Variants in PDSS1 observed in about 807,000 individuals in gnomAD.
The protein encoded by PDSS1 is all trans-polyprenyl-diphosphate synthase PDSS1.
In PDSS1, 43 loss-of-function variants were observed where a neutral mutation model predicts 57.5. That is an observed-to-expected ratio of 0.75 (90% CI 0.59 to 0.96). The LOEUF (loss-of-function observed/expected upper bound fraction) is 0.96, where lower values mean the gene tolerates loss of function less well. PDSS1 is among the 50% of genes least tolerant of loss of function. PDSS1 has a pLI of 0.00. For synonymous variants in PDSS1, 175 were observed against 191.3 expected, an observed-to-expected ratio of 0.91 and a Z score of 0.70; for missense variants, 438 against 527.8, an observed-to-expected ratio of 0.83 and a Z score of 1.67.
At chr10:26,706,951 A>T (rs1835245311) in intron 4 of PDSS1, among the ~76,000 whole-genome samples, 1 of 152,184 alleles carries the variant, frequency 6.6e-6, no homozygotes, top group African/African-American at 2.4e-5. Flanking sequence ...AGTGTAGAGT[A>T]GGAAGGGAAG....
chr10:26,738,610 T>C (rs567263244), intron 10 of PDSS1, among the ~76,000 whole-genome samples: 72 of 152,324 alleles, frequency 4.7e-4, no homozygotes, highest in Non-Finnish European at 6.5e-4. Flanking sequence ...CCTTTCCCTT[T>C]GGTAGGTGAG....
At chr10:26,737,722 CAAAAAAAAAAAAAAAAAAA>C (rs200552153) in intron 10 of PDSS1, among the ~76,000 whole-genome samples, 1 of 73,558 alleles carries the variant, frequency 1.4e-5, no homozygotes, top group African/African-American at 5.1e-5. Flanking sequence ...GACTCCGTCT[CAAAAAAAAAAAAAAAAAAA>C]AAAAAAAAAA....
intron 1 of PDSS1, among the ~76,000 whole-genome samples, chr10:26,701,535 G>A (rs200968052): frequency 1.3e-5 from 2 of 152,344 alleles, no homozygotes; most frequent in East Asian, 3.9e-4. Flanking sequence ...GCTTCAGAGG[G>A]TATAAGCCCC....
chr10:26,736,376 G>C (rs922129417), intron 10 of PDSS1, among the ~76,000 whole-genome samples: 1 of 152,242 alleles, frequency 6.6e-6, no homozygotes, highest in Non-Finnish European at 1.5e-5. Flanking sequence ...TTGCAAAGCA[G>C]TAAGATGTTC....
At position 26,730,285 on chromosome 10, in the gene PDSS1, G is replaced by A. The variant is rs75799371; in HGVS notation, c.832-4955G>A. On this transcript the variant is annotated intron_variant, in intron 8 of 11. Transcript: ENST00000376215. ...CTGATTTCGTGTTTTGGTTTTGAGCGTTTTGTTATTGTTGCTGTTGTTTTG... is the reference window on the plus strand; with the variant it reads ...CTGATTTCGTGTTTTGGTTTTGAGCATTTTGTTATTGTTGCTGTTGTTTTG... Among the ~76,000 whole-genome samples, 1,457 of 152,006 alleles carry A rather than the reference G, an allele frequency of 9.6e-3. 86 individuals carry two copies. The South Asian group carries it at 0.16, about 17-fold the overall frequency.
At chr10:26,743,899 G>T (rs149921619) in intron 11 of PDSS1, among the ~76,000 whole-genome samples, 36 of 150,208 alleles carry the variant, frequency 2.4e-4, no homozygotes, top group African/African-American at 8.3e-4. Flanking sequence ...AAATAACAGG[G>T]GGAAAAAAAA....
At chr10:26,735,392 G>T in intron 9 of PDSS1, 72 bp downstream of exon 9, 1 of 1,390,238 alleles carries the variant, frequency 7.2e-7, no homozygotes, top group South Asian at 1.2e-5. Context: ...GTGTGTAATC[G>T]TCAAAATAGT....
At chr10:26,723,008 G>A (rs1489867747) in intron 6 of PDSS1, among the ~76,000 whole-genome samples, 1 of 151,230 alleles carries the variant, frequency 6.6e-6, no homozygotes, top group Non-Finnish European at 1.5e-5. Context: ...AACATGTATC[G>A]TGCCATGCTC....
intron 8 of PDSS1, among the ~76,000 whole-genome samples, chr10:26,731,466 T>G (rs146093053): frequency 1.1e-3 from 169 of 152,364 alleles, no homozygotes; most frequent in African/African-American, 3.8e-3. Context: ...TTTCCAGTTT[T>G]ACAATTACAA....
At chr10:26,728,774 CTT>C (rs33930147) in intron 8 of PDSS1, among the ~76,000 whole-genome samples, 1 of 84,572 alleles carries the variant, frequency 1.2e-5, no homozygotes, top group Non-Finnish European at 2.1e-5. Flanking sequence ...TATTCTGTAT[CTT>C]TTTTTTTTTT....
intron 10 of PDSS1, among the ~76,000 whole-genome samples, chr10:26,741,674 ATGCC>A (rs1836615692): frequency 6.6e-6 from 1 of 152,102 alleles, no homozygotes; most frequent in Non-Finnish European, 1.5e-5. Context: ...TTAGAGTAGA[ATGCC>A]TAATTCCCAT....
rs753674730 is a variant in PDSS1, at chr10:26,746,314, T to G, written c.1108-19T>G. 9.3e-6 allele frequency: 15 copies of G among 1,613,890 alleles called. No homozygotes were observed. The South Asian group carries it at 1.4e-4, about 15-fold the overall frequency. ...AGTCAGTGACAGGCATCTGTTCTGT[T>G]TTGTTCTGTATCTTATAGAGTGATG... On this transcript the variant is annotated intron_variant, in intron 11 of 11. Transcript: ENST00000376215.
At chr10:26,740,533 T>G (rs1836555129) in intron 10 of PDSS1, 2 of 431,896 alleles carry the variant, frequency 4.6e-6, no homozygotes, top group Admixed American at 5.2e-5. Flanking sequence ...GAAAAAATTA[T>G]TTCTTTGTCT....
At chr10:26,721,437 C>CAG (rs1205745219) in intron 6 of PDSS1, among the ~76,000 whole-genome samples, 1 of 151,874 alleles carries the variant, frequency 6.6e-6, no homozygotes, top group East Asian at 1.9e-4. Flanking sequence ...CACACACACA[C>CAG]ACACACACAC....
At chr10:26,711,786 T>C (rs1835413469) in intron 5 of PDSS1, among the ~76,000 whole-genome samples, 1 of 94,856 alleles carries the variant, frequency 1.1e-5, no homozygotes, top group South Asian at 2.8e-4. Context: ...TGCCTCCAGA[T>C]ACTGCCAAGT....
In PDSS1 at chr10:26,723,810, T is replaced by C. The variant is rs750139650; in HGVS notation, c.614T>C (p.Val205Ala). The C allele has an allele frequency of 6.2e-7, 1 of 1,607,430 alleles. No homozygotes were observed. Among genetic ancestry groups the C allele is most frequent in the South Asian group, 1.1e-5 (1 of 90,954 alleles). The change falls in exon 7 of 12, where the codon GTT becomes GCT. Residue 205 changes from valine to alanine, a missense_variant. By Grantham distance (64) the Val-to-Ala change is moderately conservative (BLOSUM62 0). Transcript: ENST00000376215. ...TTTCCCCCTGTCTTTTTCTAGGCTG[T>C]TCTTGCTGGAGATTTAATTCTTTCT... ...VNKIWGEKKAVLAGDLILSAA... is the reference protein window; with the variant it reads ...VNKIWGEKKAALAGDLILSAA...
chr10:26,735,967 C>T (rs1177358930), intron 10 of PDSS1, among the ~76,000 whole-genome samples: 1 of 152,050 alleles, frequency 6.6e-6, no homozygotes, highest in Non-Finnish European at 1.5e-5. Flanking sequence ...CTTTGGTGGT[C>T]CTCAGAGCCC....
chr10:26,700,194 C>T (rs1209706709), intron 1 of PDSS1, among the ~76,000 whole-genome samples: 2 of 151,438 alleles, frequency 1.3e-5, no homozygotes, highest in Admixed American at 6.6e-5. Context: ...TTTTTAGAGA[C>T]GGGGACTTTT....
At position 26,711,143 on chromosome 10, in the gene PDSS1, CA is replaced by C. The variant is rs1168309470; in HGVS notation, c.467+1386del. On this transcript the variant is annotated intron_variant, in intron 5 of 11. Coordinates refer to ENST00000376215, the MANE Select transcript of PDSS1 (RefSeq NM_014317.5). ...GTTATCTGTTGCATGGACTCAGTCT[CA>C]AAAAAAAAAAGTTTTTAAAATAAAT... 4.5e-4 allele frequency among the ~76,000 whole-genome samples: 37 copies of C among 81,614 alleles called. 5 individuals are homozygous for C. The highest frequency in any genetic ancestry group is 4.3e-4 in the Non-Finnish European group (15 of 35,290). 53.5% of individuals were successfully genotyped at this position (81,614 alleles called of 152,430 possible).
Sources: gnomAD v4.1 joint callset for allele counts (sites outside exome capture counted in the v4.1 genomes callset) on GRCh38, gnomAD v4.1.1 for gene constraint, MANE v1.5 for transcripts, NCBI Gene and HGNC (gene_info 2026-07-23, HGNC 2026-07-21) for gene names.